Variants in PRUNE2 observed in about 807,000 individuals in gnomAD.
PRUNE2 encodes the protein prune homolog 2 with BCH domain.
Under a neutral mutation model 252.0 loss-of-function variants are expected in PRUNE2, and 164 were observed. The ratio of observed to expected loss-of-function variants is 0.65; its 90% CI spans 0.57 to 0.74. The LOEUF is 0.74. Ranked by LOEUF, PRUNE2 falls within the 30% of genes least tolerant of loss-of-function variation. The pLI, the probability that PRUNE2 is intolerant of heterozygous loss-of-function variation, is 0.00. For synonymous variants in PRUNE2, 1,292 were observed against 1,350.2 expected (o/e 0.96, Z 0.94); for missense variants, 3,495 against 3,711.0 (o/e 0.94, Z 1.51).
Position 76,711,244 on chromosome 9 carries a change from G to A in PRUNE2, c.1030C>T (p.Gln344Ter). The stretch of plus-strand genomic sequence containing the variant: ...ACTTCCTTGACAACGAGAACCACCT[G>A]ATCACAAGTCACTGAAGGGTCCTCT... ...QQEDPSVTCD[Q>*]VVLVVKEVIN... The change falls in exon 8 of 19, where the codon CAG becomes TAG. Residue 344 changes from glutamine to a stop codon, truncating the protein, a stop_gained. Transcript: ENST00000376718. LOFTEE classifies it high-confidence loss of function. The A allele has an allele frequency of 6.2e-7, 1 of 1,613,846 alleles. No homozygotes were observed. Among genetic ancestry groups the A allele is most frequent in the Non-Finnish European group, 8.5e-7 (1 of 1,179,818 alleles).
intron 6 of PRUNE2, among the ~76,000 whole-genome samples, chr9:76,809,632 G>A (rs1213050746): frequency 6.6e-6 from 1 of 152,136 alleles, no homozygotes; most frequent in Admixed American, 6.5e-5. Flanking sequence ...GGAGGCAGAG[G>A]TTGCAGTGAG....
chr9:76,876,454 T>C (rs2061482104), intron 1 of PRUNE2, among the ~76,000 whole-genome samples: 1 of 152,130 alleles, frequency 6.6e-6, no homozygotes, highest in Admixed American at 6.6e-5. Flanking sequence ...AGGCAGGCAA[T>C]GGGTGATATT....
chr9:76,698,854 G>C (rs2045630811), intron 9 of PRUNE2, among the ~76,000 whole-genome samples: 2 of 152,258 alleles, frequency 1.3e-5, no homozygotes, highest in African/African-American at 4.8e-5. Flanking sequence ...GATGCAGACA[G>C]ATCACCATAG....
intron 6 of PRUNE2, among the ~76,000 whole-genome samples, chr9:76,790,084 G>C (rs1488331039): frequency 1.3e-5 from 2 of 152,174 alleles, no homozygotes; most frequent in Non-Finnish European, 2.9e-5. Context: ...CTGATAAAGA[G>C]TCCTTGTTCC....
At chr9:76,866,694 GAAGA>G (rs918268869) in intron 1 of PRUNE2, among the ~76,000 whole-genome samples, 20 of 151,494 alleles carry the variant, frequency 1.3e-4, no homozygotes, top group Middle Eastern at 3.4e-3. Flanking sequence ...AGGAAGGAAG[GAAGA>G]AAGAAAGGAA....
At chr9:76,684,999 T>C (rs474770) in intron 9 of PRUNE2, among the ~76,000 whole-genome samples, 116,108 of 151,986 alleles carry the variant, frequency 0.76, 48,709 homozygotes, top group Non-Finnish European at 0.93. Context: ...TGATCCACCC[T>C]GCTCGGCCTC....
intron 7 of PRUNE2, among the ~76,000 whole-genome samples, chr9:76,712,083 TTAATAA>T (rs942712747): frequency 3.3e-5 from 5 of 151,984 alleles, no homozygotes; most frequent in Non-Finnish European, 5.9e-5. Flanking sequence ...AGAGATAAAA[TTAATAA>T]TAATAATAAC....
At chr9:76,868,111 T>C (rs1009993093) in intron 1 of PRUNE2, among the ~76,000 whole-genome samples, 3 of 152,114 alleles carry the variant, frequency 2.0e-5, no homozygotes, top group Admixed American at 6.6e-5. Context: ...GCGAGGTGGG[T>C]GTAGACGAGA....
chr9:76,882,857 TG>T (rs1343202341), intron 1 of PRUNE2, among the ~76,000 whole-genome samples: 5 of 152,132 alleles, frequency 3.3e-5, no homozygotes, highest in African/African-American at 1.2e-4. Context: ...TTTGTTTACT[TG>T]GGGTTTTTGG....
Position 76,703,661 on chromosome 9 carries a change from G to A in PRUNE2, c.7952C>T (p.Ser2651Leu). The part of the protein sequence containing the change: ...VGDPSLDARD[S>L]GPGWSGKTVE... ...AGTCTTGCCAGACCACCCAGGCCCT[G>A]AGTCCCTGGCATCCAGTGATGGATC... The change falls in exon 9 of 19, where the codon TCA (serine) becomes TTA (leucine). Residue 2651 changes from serine (S) to leucine (L), a missense_variant. By Grantham distance (145) the Ser-to-Leu change is moderately radical. Transcript: ENST00000376718. 3 of 1,612,664 alleles carry A rather than the reference G, an allele frequency of 1.9e-6. No homozygotes were observed. In the South Asian group the frequency reaches 3.3e-5, roughly 18 times the overall value.
intron 1 of PRUNE2, among the ~76,000 whole-genome samples, chr9:76,874,531 T>C (rs532802664): frequency 5.3e-5 from 8 of 152,060 alleles, no homozygotes; most frequent in Non-Finnish European, 8.8e-5. Context: ...TAAAAAGAAA[T>C]GAAAACTTAA....
chr9:76,774,940 A>C (rs1219668062), intron 6 of PRUNE2, among the ~76,000 whole-genome samples: 1 of 152,194 alleles, frequency 6.6e-6, no homozygotes, highest in African/African-American at 2.4e-5. Flanking sequence ...TTCCTCATCT[A>C]TGTAATGGGA....
intron 6 of PRUNE2, among the ~76,000 whole-genome samples, chr9:76,783,538 C>A (rs1421888352): frequency 6.6e-6 from 1 of 152,144 alleles, no homozygotes; most frequent in East Asian, 1.9e-4. Flanking sequence ...TTTGTTCCTG[C>A]CAACAGCCCA....
intron 1 of PRUNE2, among the ~76,000 whole-genome samples, chr9:76,891,340 T>C (rs1412484997): frequency 6.6e-6 from 1 of 152,208 alleles, no homozygotes; most frequent in Non-Finnish European, 1.5e-5. Flanking sequence ...TCAGCTGAAA[T>C]GACTATAAGT....
chr9:76,653,510 C>A (rs533769967), intron 10 of PRUNE2, among the ~76,000 whole-genome samples: 2 of 152,138 alleles, frequency 1.3e-5, no homozygotes, highest in Non-Finnish European at 2.9e-5. Context: ...AGTACAGATG[C>A]GATTTTTTTT....
intron 16 of PRUNE2, chr9:76,624,955 C>A: frequency 1.9e-6 from 2 of 1,036,554 alleles, no homozygotes; most frequent in Non-Finnish European, 2.7e-6. Context: ...TTGTTGAGGT[C>A]ACCCACAAGT....
At chr9:76,627,224 T>G (rs1587808936) in intron 16 of PRUNE2, among the ~76,000 whole-genome samples, 2 of 150,536 alleles carry the variant, frequency 1.3e-5, no homozygotes, top group South Asian at 4.2e-4. Flanking sequence ...CTTTAATCTC[T>G]TGAGTAGCTA....
At chr9:76,837,335 G>A (rs938173512) in intron 4 of PRUNE2, among the ~76,000 whole-genome samples, 6 of 152,010 alleles carry the variant, frequency 3.9e-5, no homozygotes, top group South Asian at 2.1e-4. Context: ...CCAACTACTC[G>A]GGAGGCTGAG....
chr9:76,868,032 CAG>C lies in PRUNE2; in HGVS notation c.37-13826_37-13825del, dbSNP rs539289063. Among the ~76,000 whole-genome samples the C allele has an allele frequency of 5.3e-5, 8 of 152,246 alleles. No homozygotes were observed. In the South Asian group the frequency reaches 1.7e-3, roughly 32 times the overall value. ...TCCAATCTTAATTCACTAGAGCACTCAGGGGTGCTTCCTGCTTTTCATGTCAT... is the reference window on the plus strand; with the variant it reads ...TCCAATCTTAATTCACTAGAGCACTCGGGTGCTTCCTGCTTTTCATGTCAT... On this transcript the variant is annotated intron_variant, in intron 1 of 18. Coordinates refer to ENST00000376718, the MANE Select transcript of PRUNE2 (RefSeq NM_015225.3).
Sources: allele counts gnomAD v4.1 joint callset (sites outside exome capture counted in the v4.1 genomes callset), GRCh38; gene constraint gnomAD v4.1.1; transcripts MANE v1.5; gene names NCBI Gene and HGNC (gene_info 2026-07-23, HGNC 2026-07-21).